FRYL: variants seen among roughly 807,000 people sequenced by gnomAD.
FRYL encodes FRY like transcription coactivator.
In FRYL, 150 loss-of-function variants were observed where a neutral mutation model predicts 351.2. That is an observed-to-expected ratio of 0.43 (90% CI 0.37 to 0.49). The LOEUF (loss-of-function observed/expected upper bound fraction) is 0.49, where lower values mean the gene tolerates loss of function less well. FRYL is among the 20% of genes least tolerant of loss of function. The pLI is 0.00. For synonymous variants in FRYL, 1,153 were observed against 1,257.1 expected (o/e 0.92, Z 1.75); for missense variants, 3,036 against 3,619.3 (o/e 0.84, Z 4.13).
At chr4:48,502,671 ACATTT>A (rs1299565238) in intron 61 of FRYL, among the ~76,000 whole-genome samples, 152 bp downstream of exon 61, 3 of 152,214 alleles carry the variant, frequency 2.0e-5, no homozygotes, top group Non-Finnish European at 4.4e-5. Flanking sequence ...AAAAGAACCA[ACATTT>A]CATGGATTAG....
chr4:48,564,978 A>G lies in FRYL; in HGVS notation c.3396T>C (p.Tyr1132=). The change falls in exon 30 of 64, where the codon TAT becomes TAC. Residue 1132 remains tyrosine, a synonymous_variant. Transcript: ENST00000358350. ...AAATGTTATCCAACCATTTGTACAAATAGCCATCTGATGAAAGTCCTACAT... is the reference window on the plus strand; with the variant it reads ...AAATGTTATCCAACCATTTGTACAAGTAGCCATCTGATGAAAGTCCTACAT... ...ADNVGLSSDG[Y]LYKWLDNILD... 1 of 1,609,996 alleles carries G rather than the reference A, an allele frequency of 6.2e-7. No homozygotes were observed.
chr4:48,664,551 GA>G (rs1177994328), intron 3 of FRYL, among the ~76,000 whole-genome samples: 1 of 152,180 alleles, frequency 6.6e-6, no homozygotes, highest in Non-Finnish European at 1.5e-5. Flanking sequence ...AGGTCATGCT[GA>G]ATGTGGAATA....
At chr4:48,730,980 C>A (rs1770656547) in intron 1 of FRYL, among the ~76,000 whole-genome samples, 1 of 151,962 alleles carries the variant, frequency 6.6e-6, no homozygotes, top group Admixed American at 6.6e-5. Context: ...AACCACATCA[C>A]GTGCAACGCC....
chr4:48,730,775 T>G (rs558497738), intron 1 of FRYL, among the ~76,000 whole-genome samples: 123 of 152,236 alleles, frequency 8.1e-4, no homozygotes, highest in Non-Finnish European at 1.5e-3. Flanking sequence ...TGCCAAATTG[T>G]AAAGACCATC....
intron 50 of FRYL, 105 bp from the exon 51 acceptor site, chr4:48,528,441 AGAT>A (rs1726765870): frequency 1.4e-6 from 1 of 740,258 alleles, no homozygotes; most frequent in South Asian, 3.8e-5. Context: ...ATAAAAAAAA[AGAT>A]GAGGAGAGAA....
intron 3 of FRYL, among the ~76,000 whole-genome samples, chr4:48,679,594 G>C (rs1208820609): frequency 6.6e-6 from 1 of 152,054 alleles, no homozygotes; most frequent in Non-Finnish European, 1.5e-5. Flanking sequence ...ATTGCAGCTA[G>C]ATAGGAGAAA....
intron 26 of FRYL, chr4:48,571,590 C>A: frequency 1.5e-5 from 14 of 927,614 alleles, no homozygotes; most frequent in Non-Finnish European, 1.8e-5. Context: ...CAAATTAAAA[C>A]CATATTTACT....
intron 1 of FRYL, among the ~76,000 whole-genome samples, chr4:48,732,151 C>A (rs6857581): frequency 6.6e-6 from 1 of 151,934 alleles, no homozygotes; most frequent in Admixed American, 6.6e-5. Context: ...ATGACACTTA[C>A]GCAGCCAACA....
intron 3 of FRYL, among the ~76,000 whole-genome samples, chr4:48,665,229 C>T (rs1761503192): frequency 2.0e-5 from 3 of 152,070 alleles, no homozygotes. Flanking sequence ...GGTTTTAGTT[C>T]TTTTTATATA....
At chr4:48,764,919 A>T (rs2109387877) in intron 1 of FRYL, among the ~76,000 whole-genome samples, 1 of 152,116 alleles carries the variant, frequency 6.6e-6, no homozygotes, top group African/African-American at 2.4e-5. Context: ...ATCTTGGCTC[A>T]CTGCAACCTC....
At chr4:48,658,132 T>A (rs1759639151) in intron 3 of FRYL, among the ~76,000 whole-genome samples, 2 of 134,980 alleles carry the variant, frequency 1.5e-5, no homozygotes, top group Non-Finnish European at 3.1e-5. Context: ...TTACTTAATA[T>A]AGAATGAAGT....
At chr4:48,584,955 A>C (rs1443865940) in intron 19 of FRYL, among the ~76,000 whole-genome samples, 2 of 152,192 alleles carry the variant, frequency 1.3e-5, no homozygotes, top group Admixed American at 6.5e-5. Flanking sequence ...TAGGAGAAAG[A>C]AGCAAAGTGA....
At chr4:48,659,976 G>C (rs1007801692) in intron 3 of FRYL, among the ~76,000 whole-genome samples, 5 of 149,232 alleles carry the variant, frequency 3.4e-5, no homozygotes, top group African/African-American at 1.2e-4. Context: ...AAGAAAGGAG[G>C]AGGAGGAAGC....
At chr4:48,546,729 G>A (rs1731433307) in intron 41 of FRYL, 2 of 157,572 alleles carry the variant, frequency 1.3e-5, no homozygotes, top group African/African-American at 2.4e-5. Flanking sequence ...ACTGTTAAAG[G>A]TTATTACTAA....
chr4:48,762,942 C>G (rs12498172), intron 1 of FRYL, among the ~76,000 whole-genome samples: 1 of 151,850 alleles, frequency 6.6e-6, no homozygotes, highest in Non-Finnish European at 1.5e-5. Flanking sequence ...AAGCATGGTT[C>G]TAGGAAAAGA....
At chr4:48,591,130 T>C (rs1472224584) in intron 16 of FRYL, among the ~76,000 whole-genome samples, 1 of 152,096 alleles carries the variant, frequency 6.6e-6, no homozygotes, top group Non-Finnish European at 1.5e-5. Context: ...TCCCCTCCCC[T>C]TTCTAGGCAA....
chr4:48,647,265 T>C (rs1342860728), intron 3 of FRYL, among the ~76,000 whole-genome samples: 1 of 152,166 alleles, frequency 6.6e-6, no homozygotes, highest in Non-Finnish European at 1.5e-5. Flanking sequence ...TAGCACAGGA[T>C]AGGACCCAGG....
intron 1 of FRYL, among the ~76,000 whole-genome samples, chr4:48,775,578 T>C (rs899134256): frequency 6.6e-6 from 1 of 152,178 alleles, no homozygotes; most frequent in Admixed American, 6.5e-5. Flanking sequence ...CAGCCTAAAC[T>C]GTAGCCCCCT....
rs770946964 is a variant in FRYL, at chr4:48,512,509, G to A, written c.8117C>T (p.Thr2706Ile). The change falls in exon 57 of 64, where the codon ACT becomes ATT. Residue 2706 changes from threonine (T) to isoleucine (I), a missense_variant. Physicochemically the swap from Thr to Ile is moderately conservative, Grantham distance 89. Around this residue, in one of 7 missense-constraint regions of FRYL, gnomAD observed 1,987 missense variants for 2,311.7 expected, o/e 0.86. Transcript: ENST00000358350. Reference protein sequence around the residue: ...SDTDGSSAVFTFHVFSRLFQT... With the variant: ...SDTDGSSAVFIFHVFSRLFQT... ...AAACAGCCTAGAAAACACATGAAAA[G>A]TAAACACTGCAGAGGACCCGTCGGT... is the stretch of plus-strand genomic sequence containing the variant. 1 of 1,613,900 alleles carries A rather than the reference G, an allele frequency of 6.2e-7. No homozygotes were observed. The highest frequency in any genetic ancestry group is 8.5e-7 in the Non-Finnish European group (1 of 1,179,824).
Sources: allele counts gnomAD v4.1 joint callset (sites outside exome capture counted in the v4.1 genomes callset), GRCh38; gene constraint gnomAD v4.1.1; regional missense constraint gnomAD v4.1.1; transcripts MANE v1.5; gene names NCBI Gene and HGNC (gene_info 2026-07-23, HGNC 2026-07-21).